Variants in NLGN3 observed in about 807,000 individuals in gnomAD.
The protein encoded by NLGN3 is neuroligin 3.
In NLGN3, 11 loss-of-function variants were observed where a neutral mutation model predicts 42.9. The observed-to-expected ratio is 0.26, with a 90% CI of 0.16 to 0.42. The LOEUF (loss-of-function observed/expected upper bound fraction) is 0.42, where lower values mean the gene tolerates loss of function less well. Among genes scored for constraint, NLGN3 ranks in the 10% least tolerant of loss-of-function variants. The pLI is 1.00. For synonymous variants in NLGN3, 279 were observed against 312.7 expected, an observed-to-expected ratio of 0.89 and a Z score of 1.14; for missense variants, 374 against 733.8, an observed-to-expected ratio of 0.51 and a Z score of 5.67.
intron 7 of NLGN3, among the ~76,000 whole-genome samples, chrX:71,168,798 G>A (rs7879983): frequency 0.31 from 21,458 of 68,163 alleles, 4,830 homozygotes; most frequent in African/African-American, 0.7. Flanking sequence ...AAGAAAGAGA[G>A]AGAAAGAAAG....
At chrX:71,171,589 G>C, downstream of NLGN3, 2 of 575,835 alleles carry the variant, frequency 3.5e-6, no homozygotes, top group South Asian at 9.0e-5. Flanking sequence ...CCTCACCTTG[G>C]ACTGGGGGCT....
At chrX:71,168,616 G>A (rs2092454750) in intron 7 of NLGN3, among the ~76,000 whole-genome samples, 2 of 105,740 alleles carry the variant, frequency 1.9e-5, no homozygotes, top group African/African-American at 7.0e-5. Context: ...CTGTAGTCCC[G>A]GCTACCTAGG....
chrX:71,148,676 C>T (rs2092380246), intron 2 of NLGN3, among the ~76,000 whole-genome samples, 170 bp from the exon 3 acceptor site: 1 of 108,883 alleles, frequency 9.2e-6, no homozygotes, highest in Non-Finnish European at 1.9e-5. Context: ...GATGCCTCCT[C>T]CCGCGGGGGT....
downstream of NLGN3, among the ~76,000 whole-genome samples, chrX:71,172,319 G>C (rs749696202): frequency 9.0e-6 from 1 of 111,456 alleles, no homozygotes; most frequent in East Asian, 2.8e-4. Context: ...CCAAGTGTGA[G>C]TTTTAGAACC....
intron 6 of NLGN3, among the ~76,000 whole-genome samples, chrX:71,165,328 G>A (rs2092443288): frequency 9.0e-6 from 1 of 111,407 alleles, no homozygotes; most frequent in Admixed American, 9.5e-5. Context: ...GTTCCTAGGT[G>A]ACCATAGTGG....
intron 5 of NLGN3, among the ~76,000 whole-genome samples, chrX:71,155,995 G>A (rs1453054130): frequency 6.4e-5 from 7 of 109,920 alleles, no homozygotes; most frequent in East Asian, 2.9e-4. Flanking sequence ...TCTGCACCCC[G>A]CAGATGGCTC....
In NLGN3 at chrX:71,157,326, T is replaced by C. The variant is rs866652299; in HGVS notation, c.727+1963T>C. Among the ~76,000 whole-genome samples, 6 of 84,757 alleles carry C rather than the reference T, an allele frequency of 7.1e-5. No homozygotes were observed. The East Asian group carries it at 1.3e-3, about 18-fold the overall frequency. 73.6% of individuals were successfully genotyped at this position (84,757 alleles called of 115,157 possible). A position where few individuals can be genotyped will look rare whatever the true frequency, so the allele number is the denominator to read the frequency against. ...TATTTATTTATTTATTTATTTATTA[T>C]TTTTATTTTGTTTTTGAGGCAGAGT... On this transcript the variant is annotated intron_variant, in intron 5 of 7. Coordinates refer to ENST00000358741, the MANE Select transcript of NLGN3 (RefSeq NM_181303.2).
chrX:71,167,346 G>T lies in NLGN3; in HGVS notation c.1249G>T (p.Val417Leu). The T allele has an allele frequency of 8.3e-7, 1 of 1,211,809 alleles. No individual in the cohort carries two copies. Among genetic ancestry groups the T allele is most frequent in the Non-Finnish European group, 1.1e-6 (1 of 895,412 alleles). ...CGAGGGTCTCAAGTTTGTGGAAGGG[G>T]TGGTGGACCCTGAGGATGGTGTCTC... ...QGEGLKFVEG[V>L]VDPEDGVSGT... The change falls in exon 7 of 8, where the codon GTG becomes TTG. Residue 417 changes from valine to leucine, a missense_variant. By Grantham distance (32) the Val-to-Leu change is conservative. This residue lies in a region of NLGN3 where 142 missense variants were observed against 359.1 expected (regional missense o/e 0.40). Transcript: ENST00000358741.
In NLGN3 at chrX:71,155,228, G is replaced by A. The variant is rs1301968019; in HGVS notation, c.592G>A (p.Gly198Ser). The A allele has an allele frequency of 3.3e-6, 4 of 1,210,485 alleles. No homozygotes were observed. Among genetic ancestry groups the A allele is most frequent in the Non-Finnish European group, 3.4e-6 (3 of 895,251 alleles). Reference protein sequence around the residue: ...GDEDEDIRDSGAKPVMVYIHG... With the variant: ...GDEDEDIRDSSAKPVMVYIHG... ...TCTCCTTGCAGACATCCGGGACAGT[G>A]GTGCTAAACCCGTCATGGTCTACAT... The change falls in exon 5 of 8, where the codon GGT becomes AGT. Residue 198 changes from glycine to serine, a missense_variant. By Grantham distance (56) the Gly-to-Ser change is moderately conservative. Coordinates refer to ENST00000358741, the MANE Select transcript of NLGN3 (RefSeq NM_181303.2).
rs1296956801 is a variant in NLGN3, at chrX:71,171,015, C to G, written c.*918C>G. The G allele has an allele frequency of 1.3e-6, 1 of 750,360 alleles. No individual in the cohort carries two copies. Among genetic ancestry groups the G allele is most frequent in the Non-Finnish European group, 1.6e-6 (1 of 638,375 alleles). 61.8% of individuals were successfully genotyped at this position (750,360 alleles called of 1,213,427 possible). ...TGCTATCAGAAATTCGCCCCATTTT[C>G]TTTACAGTCTTTTGTGTCTGTCATT... On this transcript the variant is annotated 3_prime_UTR_variant, in exon 8 of 8. Coordinates refer to ENST00000358741, the MANE Select transcript of NLGN3 (RefSeq NM_181303.2).
intron 5 of NLGN3, among the ~76,000 whole-genome samples, chrX:71,155,721 C>T (rs2092406330): frequency 9.0e-6 from 1 of 111,360 alleles, no homozygotes; most frequent in Non-Finnish European, 1.9e-5. Context: ...CTAAACACCC[C>T]ACACATGCAC....
At chrX:71,165,325 G>A (rs1333659155) in intron 6 of NLGN3, among the ~76,000 whole-genome samples, 2 of 111,389 alleles carry the variant, frequency 1.8e-5, no homozygotes, top group African/African-American at 6.5e-5. Context: ...TGTGTTCCTA[G>A]GTGACCATAG....
rs1430524756 is a variant in NLGN3, at chrX:71,170,588, T to C, written c.*491T>C. The C allele has an allele frequency of 1.3e-6, 1 of 789,237 alleles. No individual in the cohort carries two copies. The highest frequency in any genetic ancestry group is 2.2e-5 in the African/African-American group (1 of 44,498). The allele number at this position is 789,237 out of a possible 1,213,427, so 65.0% of individuals were successfully genotyped here. ...TTTTGTTGATTTTTCTTTTTTAATT[T>C]TGGAACAAATGCTTTTCCAACCCAT... On this transcript the variant is annotated 3_prime_UTR_variant, in exon 8 of 8. Coordinates refer to ENST00000358741, the MANE Select transcript of NLGN3 (RefSeq NM_181303.2).
At chrX:71,159,227 A>G (rs1169862948) in intron 5 of NLGN3, among the ~76,000 whole-genome samples, 1 of 110,867 alleles carries the variant, frequency 9.0e-6, no homozygotes, top group Non-Finnish European at 1.9e-5. Flanking sequence ...AGGCTGAGGC[A>G]GGAGAATTGC....
Position 71,164,009 on chromosome X carries a change from G to C in NLGN3, c.728-134G>C, listed in dbSNP as rs2092438739. 3 of 609,626 alleles carry C rather than the reference G, an allele frequency of 4.9e-6. No individual in the cohort carries two copies. The Admixed American group carries it at 8.0e-5, about 16-fold the overall frequency. The allele number at this position is 609,626 out of a possible 1,213,427, so 50.2% of individuals were successfully genotyped here. Reference sequence around the variant, plus strand: ...ATTGCAGAAAGGAGCACTGCTTTAAGTTAACTATGTGGGAAGAACTACACT... The same window carrying C: ...ATTGCAGAAAGGAGCACTGCTTTAACTTAACTATGTGGGAAGAACTACACT... On this transcript the variant is annotated intron_variant, in intron 5 of 7. Transcript: ENST00000358741.
intron 2 of NLGN3, among the ~76,000 whole-genome samples, 167 bp from the exon 3 acceptor site, chrX:71,148,679 G>A (rs2092380288): frequency 9.2e-6 from 1 of 108,570 alleles, no homozygotes; most frequent in Admixed American, 9.8e-5. Context: ...GCCTCCTCCC[G>A]CGGGGGTCAC....
At chrX:71,154,003 C>T (rs2092399728) in intron 4 of NLGN3, among the ~76,000 whole-genome samples, 1 of 111,554 alleles carries the variant, frequency 9.0e-6, no homozygotes, top group African/African-American at 3.3e-5. Context: ...GGAAGTGAGG[C>T]AGTGACAACC....
intron 5 of NLGN3, among the ~76,000 whole-genome samples, chrX:71,159,326 A>T (rs1309335336): frequency 9.0e-6 from 1 of 111,475 alleles, no homozygotes; most frequent in Admixed American, 9.5e-5. Context: ...ATCTCAAAAA[A>T]AAAAGAAAAG....
In NLGN3 at chrX:71,148,199, G is replaced by A. The variant is rs774184713; in HGVS notation, c.450G>A (p.Thr150=). The A allele has an allele frequency of 1.2e-5, 14 of 1,205,572 alleles. No individual in the cohort carries two copies. The Admixed American group carries it at 2.0e-4, about 17-fold the overall frequency. The change falls in exon 2 of 8, where the codon ACG becomes ACA. Residue 150 remains threonine (T), a synonymous_variant. Transcript: ENST00000358741. ...DCLYLNVYVP[T]EDVKRISKEC... ...TCTACCTGAACGTCTATGTGCCGAC[G>A]GAGGATGGTGAGTGCTGCGGCCAGG... is the stretch of plus-strand genomic sequence containing the variant.
Sources: allele counts gnomAD v4.1 joint callset (sites outside exome capture counted in the v4.1 genomes callset), GRCh38; gene constraint gnomAD v4.1.1; regional missense constraint gnomAD v4.1.1; transcripts MANE v1.5; gene names NCBI Gene and HGNC (gene_info 2026-07-23, HGNC 2026-07-21).